Variants in RFX4 observed in about 807,000 individuals in gnomAD.
RFX4 encodes the protein regulatory factor X4.
In RFX4, 10 loss-of-function variants were observed where a neutral mutation model predicts 95.0. The observed-to-expected ratio is 0.11, with a 90% confidence interval of 0.06 to 0.18. The LOEUF is 0.18. RFX4 is among the 10% of genes least tolerant of loss of function. RFX4 has a pLI of 1.00. For synonymous variants in RFX4, 321 were observed against 340.7 expected, an observed-to-expected ratio of 0.94 and a Z score of 0.64; for missense variants, 640 against 922.0, an observed-to-expected ratio of 0.69 and a Z score of 3.96.
At chr12:106,659,301 C>G (rs938422016) in intron 4 of RFX4, among the ~76,000 whole-genome samples, 1 of 152,104 alleles carries the variant, frequency 6.6e-6, no homozygotes, top group Non-Finnish European at 1.5e-5. Flanking sequence ...TCTCCTTTCC[C>G]TGACCATTCC....
intron 3 of RFX4, among the ~76,000 whole-genome samples, chr12:106,648,442 C>T (rs982755894): frequency 1.3e-4 from 19 of 150,310 alleles, no homozygotes; most frequent in African/African-American, 3.9e-4. Flanking sequence ...AACAGGGAGC[C>T]GTTGACGGGT....
intron 13 of RFX4, among the ~76,000 whole-genome samples, chr12:106,731,565 T>C (rs1001630867): frequency 1.3e-5 from 2 of 152,228 alleles, no homozygotes; most frequent in African/African-American, 4.8e-5. Context: ...CTAAGAACCA[T>C]GTGCTAAATG....
In RFX4 at chr12:106,583,192, C is replaced by T. The variant is rs1565939133; in HGVS notation, c.-129C>T. On this transcript the variant is annotated 5_prime_UTR_variant, in exon 1 of 18. Coordinates refer to ENST00000392842, the MANE Select transcript of RFX4 (RefSeq NM_213594.3). ...CTTTCCTCCTTTATCCTTGTGCCCC[C>T]TCACTTTCTGCGTCTCTCTCTCTCC... 3.7e-6 allele frequency: 3 copies of T among 806,566 alleles called. No individual in the cohort carries two copies. Among genetic ancestry groups the T allele is most frequent in the Non-Finnish European group, 3.8e-6 (2 of 529,408 alleles). 50.0% of individuals were successfully genotyped at this position (806,566 alleles called of 1,614,324 possible).
chr12:106,636,521 G>T (rs1471742870), intron 2 of RFX4, among the ~76,000 whole-genome samples: 1 of 152,158 alleles, frequency 6.6e-6, no homozygotes, highest in Non-Finnish European at 1.5e-5. Context: ...GACTAAGAGA[G>T]TATCAAGGAA....
chr12:106,664,866 A>G (rs935414777), intron 4 of RFX4, among the ~76,000 whole-genome samples: 3 of 151,798 alleles, frequency 2.0e-5, no homozygotes, highest in Non-Finnish European at 4.4e-5. Context: ...CTGTTATTGA[A>G]TGATAGCTTA....
intron 3 of RFX4, among the ~76,000 whole-genome samples, chr12:106,651,495 T>G (rs1295463359): frequency 1.3e-5 from 2 of 152,152 alleles, no homozygotes; most frequent in Non-Finnish European, 2.9e-5. Flanking sequence ...CTATGAAACT[T>G]TAATTATCTA....
At position 106,750,920 on chromosome 12, in the gene RFX4, CTTTA is replaced by C. The variant is rs36084987; in HGVS notation, c.1935+147_1935+150del. The C allele has an allele frequency of 1.1e-3, 651 of 613,694 alleles. 2 individuals are homozygous for C. Among genetic ancestry groups the C allele is most frequent in the Non-Finnish European group, 1.3e-3 (553 of 428,860 alleles). The allele number at this position is 613,694 out of a possible 1,614,324, so 38.0% of individuals were successfully genotyped here. A position where few individuals can be genotyped will look rare whatever the true frequency, so the allele number is the denominator to read the frequency against. On this transcript the variant is annotated intron_variant, in intron 17 of 17. Transcript: ENST00000392842. ...TGTGTGTCCCCAAGGAGAGGACAGT[CTTTA>C]TTTATTTATTTATTTATTTTTATTA...
chr12:106,709,233 G>A (rs1346806959), intron 8 of RFX4, 97 bp from the exon 9 acceptor site: 3 of 938,432 alleles, frequency 3.2e-6, no homozygotes, highest in East Asian at 5.3e-5. Context: ...ATTGGTAGCA[G>A]CCAAAACATG....
intron 1 of RFX4, chr12:106,585,833 C>T (rs990124440): frequency 6.6e-6 from 1 of 152,206 alleles, no homozygotes; most frequent in Non-Finnish European, 1.5e-5. Flanking sequence ...GGCCACCGTC[C>T]CTTACTCTTA....
chr12:106,636,418 GAA>G (rs2040514254), intron 2 of RFX4, among the ~76,000 whole-genome samples: 9 of 149,412 alleles, frequency 6.0e-5, no homozygotes, highest in African/African-American at 2.0e-4. Flanking sequence ...GAAAAGAAAA[GAA>G]AGAAATAATG....
At chr12:106,749,866 C>G (rs554498197) in intron 16 of RFX4, among the ~76,000 whole-genome samples, 3 of 152,154 alleles carry the variant, frequency 2.0e-5, no homozygotes, top group Non-Finnish European at 2.9e-5. Context: ...TGCTCTCCCC[C>G]CAGGAGACAG....
chr12:106,693,589 C>A (rs985327551), intron 7 of RFX4, among the ~76,000 whole-genome samples: 1 of 152,156 alleles, frequency 6.6e-6, no homozygotes, highest in South Asian at 2.1e-4. Context: ...CTGACCTGAG[C>A]CTGATGCCCA....
intron 1 of RFX4, among the ~76,000 whole-genome samples, chr12:106,606,414 G>A (rs2039835543): frequency 6.6e-6 from 1 of 152,186 alleles, no homozygotes; most frequent in Non-Finnish European, 1.5e-5. Flanking sequence ...ATGTAGCTAT[G>A]GCTGCTGCCA....
intron 17 of RFX4, among the ~76,000 whole-genome samples, chr12:106,752,910 A>T (rs1285671559): frequency 1.3e-5 from 2 of 151,426 alleles, no homozygotes; most frequent in Non-Finnish European, 2.9e-5. Flanking sequence ...GGCCAGTTCC[A>T]CTCTGCATCC....
chr12:106,583,217 C>A lies in RFX4; in HGVS notation c.-104C>A. 1 of 982,046 alleles carries A rather than the reference C, an allele frequency of 1.0e-6. No homozygotes were observed. The highest frequency in any genetic ancestry group is 1.5e-6 in the Non-Finnish European group (1 of 674,254). 60.8% of individuals were successfully genotyped at this position (982,046 alleles called of 1,614,324 possible). ...CTCACTTTCTGCGTCTCTCTCTCTC[C>A]CCTTCTCCCTCCCTCCCTCCCTTCC... On this transcript the variant is annotated 5_prime_UTR_variant, in exon 1 of 18. Coordinates refer to ENST00000392842, the MANE Select transcript of RFX4 (RefSeq NM_213594.3).
At chr12:106,728,307 T>G (rs1241987718) in intron 13 of RFX4, among the ~76,000 whole-genome samples, 1 of 151,672 alleles carries the variant, frequency 6.6e-6, no homozygotes, top group African/African-American at 2.4e-5. Flanking sequence ...TCCTCATGTA[T>G]TAACTGAAGA....
intron 4 of RFX4, among the ~76,000 whole-genome samples, chr12:106,675,864 G>A (rs188532319): frequency 4.1e-4 from 62 of 152,266 alleles, no homozygotes; most frequent in Admixed American, 2.6e-3. Context: ...CCGTATGGCC[G>A]GAGCACAGGA....
chr12:106,652,030 T>C (rs762556801), intron 3 of RFX4, among the ~76,000 whole-genome samples: 3 of 152,076 alleles, frequency 2.0e-5, no homozygotes, highest in Non-Finnish European at 2.9e-5. Context: ...CAGTTAGGGG[T>C]CCAGGCTAAC....
At chr12:106,662,975 A>C (rs948417906) in intron 4 of RFX4, among the ~76,000 whole-genome samples, 4 of 152,008 alleles carry the variant, frequency 2.6e-5, no homozygotes, top group African/African-American at 9.7e-5. Context: ...TTTATTGTAC[A>C]TCTTGAATAT....
Sources: allele counts gnomAD v4.1 joint callset (sites outside exome capture counted in the v4.1 genomes callset), GRCh38; gene constraint gnomAD v4.1.1; transcripts MANE v1.5; gene names NCBI Gene and HGNC (gene_info 2026-07-23, HGNC 2026-07-21).